HHIPL2: variants seen among roughly 807,000 people sequenced by gnomAD.
HHIPL2 encodes the protein HHIP-like protein 2.
In HHIPL2, 61 loss-of-function variants were observed where a neutral mutation model predicts 61.0. The observed-to-expected ratio is 1.00, with a 90% CI of 0.81 to 1.24. The LOEUF is 1.24. Ranked by LOEUF, HHIPL2 falls within the 50% of genes most tolerant of loss-of-function variation. The probability of loss-of-function intolerance (pLI) is 0.00; values close to 1 mark genes in which losing one functional copy is unlikely to be tolerated. For synonymous variants in HHIPL2, 343 were observed against 357.4 expected, an observed-to-expected ratio of 0.96 and a Z score of 0.45; for missense variants, 885 against 910.2, an observed-to-expected ratio of 0.97 and a Z score of 0.36.
chr1:222,535,902 C>A (rs1270143485), intron 5 of HHIPL2, among the ~76,000 whole-genome samples: 1 of 152,090 alleles, frequency 6.6e-6, no homozygotes. Context: ...TGAAATAACT[C>A]ATGGGACAAA....
Position 222,543,580 on chromosome 1 carries a change from C to G in HHIPL2, c.931G>C (p.Val311Leu). 3.1e-6 allele frequency: 5 copies of G among 1,614,094 alleles called. No individual in the cohort carries two copies. The change falls in exon 2 of 9, where the codon GTT becomes CTT. Residue 311 changes from valine (V) to leucine (L), a missense_variant. Physicochemically the swap from Val to Leu is conservative, Grantham distance 32. Transcript: ENST00000343410. ...VEKIRISEMK[V>L]SRADPNKADL... ...GCTTTGTTAGGATCAGCCCGAGAAA[C>G]CTTCATCTCACTAATTCGGATCTTT...
chr1:222,526,705 CAAA>C (rs1187186640), intron 7 of HHIPL2, among the ~76,000 whole-genome samples: 5 of 54,282 alleles, frequency 9.2e-5, no homozygotes, highest in Admixed American at 2.1e-4. Context: ...AACTCCATCT[CAAA>C]AAAAAAAAAA....
At chr1:222,547,163 T>G (rs1659571946) in intron 1 of HHIPL2, among the ~76,000 whole-genome samples, 1 of 152,216 alleles carries the variant, frequency 6.6e-6, no homozygotes, top group Non-Finnish European at 1.5e-5. Context: ...TGTGAGTCAC[T>G]GCTACTCAGC....
At chr1:222,540,438 A>C in intron 3 of HHIPL2, 97 bp from the exon 4 acceptor site, 1 of 912,786 alleles carries the variant, frequency 1.1e-6, no homozygotes, top group Non-Finnish European at 1.7e-6. Context: ...AGCTGATGCC[A>C]AGAGACTGCT....
At position 222,527,709 on chromosome 1, in the gene HHIPL2, C is replaced by A. The variant is rs573058495; in HGVS notation, c.1724-659G>T. Among the ~76,000 whole-genome samples the A allele has an allele frequency of 4.6e-5, 7 of 152,140 alleles. No homozygotes were observed. The South Asian group carries it at 1.4e-3, about 32-fold the overall frequency. On this transcript the variant is annotated intron_variant, in intron 6 of 8. Coordinates refer to ENST00000343410, the MANE Select transcript of HHIPL2 (RefSeq NM_024746.4). ...TAATTCCCACATGTTGTGGGAGTGA[C>A]CCAATGGGAGATAATTGAATCATGG...
Position 222,522,883 on chromosome 1 carries a change from T to C in HHIPL2, c.1893A>G (p.Thr631=). The C allele has an allele frequency of 6.2e-7, 1 of 1,611,372 alleles. No homozygotes were observed. The highest frequency in any genetic ancestry group is 1.1e-5 in the South Asian group (1 of 90,890). ...ATTGTTCCTTTAGCAAGTCCAAGAC[T>C]GTCTCTGAGAAATCAGTATTTATTT... ...KRIPFRPLAK[T]VLDLLKEQSE... Residue 631 remains threonine, a synonymous_variant, in exon 9 of 9, where the codon ACA becomes ACG. Coordinates refer to ENST00000343410, the MANE Select transcript of HHIPL2 (RefSeq NM_024746.4).
chr1:222,530,321 A>G (rs1017159140), intron 6 of HHIPL2, among the ~76,000 whole-genome samples: 2 of 152,074 alleles, frequency 1.3e-5, no homozygotes, highest in African/African-American at 4.8e-5. Context: ...TGGGGTTCCA[A>G]TCTCTGGGGT....
chr1:222,523,942 C>T, intron 7 of HHIPL2: 1 of 498,286 alleles, frequency 2.0e-6, no homozygotes, highest in Middle Eastern at 3.5e-4. Flanking sequence ...GGCATGGTGG[C>T]AGTCAAAACG....
In HHIPL2 at chr1:222,546,681, A is replaced by AGTG. The variant is rs1284357472; in HGVS notation, c.321+1040_321+1042dup. Among the ~76,000 whole-genome samples the AGTG allele has an allele frequency of 2.0e-5, 3 of 152,284 alleles. No homozygotes were observed. In the East Asian group the frequency reaches 5.8e-4, roughly 29 times the overall value. ...TTAATTCTCCAGGAAACAGCTGTGG[A>AGTG]GTGGTGTCTAAGAGGACAGCCCCAG... On this transcript the variant is annotated intron_variant, in intron 1 of 8. Coordinates refer to ENST00000343410, the MANE Select transcript of HHIPL2 (RefSeq NM_024746.4).
chr1:222,532,638 C>T (rs1415544019), intron 5 of HHIPL2, among the ~76,000 whole-genome samples: 1 of 149,046 alleles, frequency 6.7e-6, no homozygotes. Flanking sequence ...AAGAGTTTGA[C>T]GTGCTGTGTA....
At chr1:222,534,510 G>A (rs1315211873) in intron 5 of HHIPL2, among the ~76,000 whole-genome samples, 1 of 150,990 alleles carries the variant, frequency 6.6e-6, no homozygotes, top group East Asian at 2.0e-4. Flanking sequence ...CCGGGAGGCG[G>A]AGCTTGCAGT....
At chr1:222,537,739 A>G (rs773599597) in intron 5 of HHIPL2, among the ~76,000 whole-genome samples, 5 of 152,190 alleles carry the variant, frequency 3.3e-5, no homozygotes, top group African/African-American at 9.6e-5. Context: ...TATCAGAATG[A>G]ACAAAGAGTT....
chr1:222,522,919 A>G lies in HHIPL2; in HGVS notation c.1889-32T>C, dbSNP rs1293678956. The G allele has an allele frequency of 8.2e-6, 13 of 1,585,884 alleles. No individual in the cohort carries two copies. In the East Asian group the frequency reaches 9.0e-5, roughly 11 times the overall value. On this transcript the variant is annotated intron_variant, in intron 8 of 8. Coordinates refer to ENST00000343410, the MANE Select transcript of HHIPL2 (RefSeq NM_024746.4). ...AATCAGTATTTATTTAGTGAAAAATATAAGTCCCAGAAAGTAGCTATAAGA... is the reference window on the plus strand; with the variant it reads ...AATCAGTATTTATTTAGTGAAAAATGTAAGTCCCAGAAAGTAGCTATAAGA...
At chr1:222,529,804 A>G (rs1659150594) in intron 6 of HHIPL2, among the ~76,000 whole-genome samples, 1 of 152,208 alleles carries the variant, frequency 6.6e-6, no homozygotes, top group Non-Finnish European at 1.5e-5. Flanking sequence ...AGCAATTCAT[A>G]CCAGCTATCA....
At chr1:222,525,188 G>A (rs1487416087) in intron 7 of HHIPL2, 1 of 152,126 alleles carries the variant, frequency 6.6e-6, no homozygotes. Flanking sequence ...TGAAAGTGGG[G>A]AGTTAAATTA....
At chr1:222,547,593 G>A (rs1032135804) in intron 1 of HHIPL2, 131 bp downstream of exon 1, 3 of 744,478 alleles carry the variant, frequency 4.0e-6, no homozygotes, top group Admixed American at 2.6e-5. Flanking sequence ...GTCCAAAGCC[G>A]GCAGCTCCAA....
At chr1:222,527,592 A>G (rs1396544361) in intron 6 of HHIPL2, among the ~76,000 whole-genome samples, 2 of 151,976 alleles carry the variant, frequency 1.3e-5, no homozygotes, top group African/African-American at 4.8e-5. Context: ...CATGCCCCAC[A>G]AAAATCACCT....
chr1:222,522,980 ATTATTC>A, intron 8 of HHIPL2, 93 bp from the exon 9 acceptor site: 1 of 995,578 alleles, frequency 1.0e-6, no homozygotes, highest in Non-Finnish European at 1.4e-6. Flanking sequence ...TTTAATATAA[ATTATTC>A]TTATTAATAC....
chr1:222,528,718 C>A (rs1467882993), intron 6 of HHIPL2, among the ~76,000 whole-genome samples: 2 of 152,192 alleles, frequency 1.3e-5, no homozygotes, highest in Middle Eastern at 3.4e-3. Context: ...CTGTCATGTG[C>A]CTTACACAAT....
Sources: allele counts gnomAD v4.1 joint callset (sites outside exome capture counted in the v4.1 genomes callset), GRCh38; gene constraint gnomAD v4.1.1; transcripts MANE v1.5; gene names NCBI Gene and HGNC (gene_info 2026-07-23, HGNC 2026-07-21).